The following RUNX2 variants were observed in gnomAD, a reference collection of about 807,000 sequenced individuals.
RUNX2 encodes the protein runt-related transcription factor 2.
Under a neutral mutation model 51.7 loss-of-function variants are expected in RUNX2, and 10 were observed. The observed-to-expected ratio is 0.19, with a 90% CI of 0.12 to 0.33. The LOEUF is 0.33. Among genes scored for constraint, RUNX2 ranks in the 10% least tolerant of loss-of-function variants. The probability of loss-of-function intolerance (pLI) is 1.00; values close to 1 mark genes in which losing one functional copy is unlikely to be tolerated. For missense variants in RUNX2, 562 were observed against 691.3 expected, an observed-to-expected ratio of 0.81 and a Z score of 2.10; for synonymous variants, 276 against 273.6, an observed-to-expected ratio of 1.01 and a Z score of -0.09.
intron 5 of RUNX2, among the ~76,000 whole-genome samples, chr6:45,463,218 T>C (rs1024459547): frequency 5.3e-5 from 8 of 152,196 alleles, no homozygotes; most frequent in Non-Finnish European, 1.0e-4. Context: ...TACTTTCCAA[T>C]GGAAATAAAA....
intron 5 of RUNX2, among the ~76,000 whole-genome samples, chr6:45,489,390 A>T (rs753193310): frequency 6.6e-6 from 1 of 152,186 alleles, no homozygotes; most frequent in South Asian, 2.1e-4. Flanking sequence ...GGCTAAGAGA[A>T]AGTAAAAATG....
chr6:45,387,110 G>A (rs921088343), intron 2 of RUNX2, among the ~76,000 whole-genome samples: 5 of 152,138 alleles, frequency 3.3e-5, no homozygotes, highest in Admixed American at 6.5e-5. Context: ...TTGGGTACTC[G>A]TAAGACATGA....
intron 2 of RUNX2, among the ~76,000 whole-genome samples, chr6:45,341,436 A>C (rs1789754963): frequency 6.6e-6 from 1 of 152,222 alleles, no homozygotes; most frequent in South Asian, 2.1e-4. Flanking sequence ...TATTTTAATG[A>C]GCAAACTAAC....
chr6:45,459,223 C>T (rs1348161480), intron 5 of RUNX2, among the ~76,000 whole-genome samples: 1 of 152,196 alleles, frequency 6.6e-6, no homozygotes. Context: ...ACATCATGAT[C>T]TTCCATTTTC....
intron 2 of RUNX2, among the ~76,000 whole-genome samples, chr6:45,332,600 T>C (rs1787738156): frequency 6.6e-6 from 1 of 151,796 alleles, no homozygotes; most frequent in African/African-American, 2.4e-5. Flanking sequence ...ATGCAAAAGC[T>C]CATTAAATGC....
chr6:45,546,800 C>G, intron 8 of RUNX2, 27 bp from the exon 9 acceptor site: 1 of 1,508,724 alleles, frequency 6.6e-7, no homozygotes, highest in Non-Finnish European at 9.2e-7. Context: ...ACAGATTTTT[C>G]CCTCCATCTT....
At chr6:45,403,188 G>A (rs573715844) in intron 2 of RUNX2, among the ~76,000 whole-genome samples, 302 of 150,846 alleles carry the variant, frequency 2.0e-3, no homozygotes, top group Admixed American at 3.6e-3. Context: ...AGTTGGCCAT[G>A]GGTTTAAGGT....
intron 2 of RUNX2, among the ~76,000 whole-genome samples, chr6:45,419,455 C>T (rs574724949): frequency 6.6e-6 from 1 of 152,076 alleles, no homozygotes; most frequent in East Asian, 1.9e-4. Context: ...GAAAAAAAAG[C>T]CATGACTCTA....
chr6:45,512,147 TCCC>T, intron 6 of RUNX2, 96 bp from the exon 7 acceptor site: 2 of 1,135,254 alleles, frequency 1.8e-6, no homozygotes, highest in Admixed American at 1.8e-5. Flanking sequence ...TTTTTTTCTC[TCCC>T]TGTTTTTCTG....
intron 6 of RUNX2, among the ~76,000 whole-genome samples, chr6:45,507,931 A>G (rs1212036418): frequency 6.6e-6 from 1 of 152,198 alleles, no homozygotes; most frequent in Non-Finnish European, 1.5e-5. Flanking sequence ...TAAACTCTAT[A>G]TTATATTATC....
chr6:45,445,863 T>C (rs1798982888), intron 5 of RUNX2, among the ~76,000 whole-genome samples: 1 of 152,148 alleles, frequency 6.6e-6, no homozygotes, highest in Non-Finnish European at 1.5e-5. Flanking sequence ...GTGGAGGTTA[T>C]GTCTGGTGGT....
intron 6 of RUNX2, among the ~76,000 whole-genome samples, chr6:45,505,854 G>T (rs189040933): frequency 1.3e-5 from 2 of 152,312 alleles, no homozygotes; most frequent in East Asian, 3.9e-4. Flanking sequence ...GGTGCTCCAT[G>T]GTTCCTTTCC....
chr6:45,363,051 A>C (rs114502565), intron 2 of RUNX2, among the ~76,000 whole-genome samples: 2,662 of 151,944 alleles, frequency 0.018, 49 homozygotes, highest in South Asian at 0.085. Context: ...CTTCTTCTTA[A>C]AGGCAACTGT....
intron 6 of RUNX2, among the ~76,000 whole-genome samples, chr6:45,511,782 A>C (rs961662236): frequency 6.6e-6 from 1 of 152,224 alleles, no homozygotes; most frequent in African/African-American, 2.4e-5. Flanking sequence ...AAGTAGCTGG[A>C]TATGCAGCAG....
At chr6:45,438,575 C>T (rs913906426) in intron 5 of RUNX2, among the ~76,000 whole-genome samples, 1 of 152,170 alleles carries the variant, frequency 6.6e-6, no homozygotes, top group African/African-American at 2.4e-5. Flanking sequence ...GTTGTTTGGT[C>T]ATGCTCTAGT....
chr6:45,464,636 A>G (rs944237147), intron 5 of RUNX2, among the ~76,000 whole-genome samples: 3 of 152,198 alleles, frequency 2.0e-5, no homozygotes, highest in Admixed American at 2.0e-4. Flanking sequence ...CATTATCCAA[A>G]ACTCACTTTC....
At chr6:45,355,417 AT>A (rs35113845) in intron 2 of RUNX2, among the ~76,000 whole-genome samples, 22,807 of 152,064 alleles carry the variant, frequency 0.15, 1,955 homozygotes, top group East Asian at 0.26. Flanking sequence ...AAATGTTGAT[AT>A]AACAGTTCCC....
chr6:45,462,946 GT>G (rs752504968), intron 5 of RUNX2, among the ~76,000 whole-genome samples: 25 of 152,284 alleles, frequency 1.6e-4, no homozygotes, highest in Non-Finnish European at 2.5e-4. Context: ...TAACCCCAGA[GT>G]TCTGCTGGCT....
chr6:45,349,152 G>A (rs1791521085), intron 2 of RUNX2, among the ~76,000 whole-genome samples: 1 of 152,024 alleles, frequency 6.6e-6, no homozygotes. Flanking sequence ...AGTTCTTCTA[G>A]GGACAACTAC....
Sources: gnomAD v4.1 joint callset for allele counts (sites outside exome capture counted in the v4.1 genomes callset) on GRCh38, gnomAD v4.1.1 for gene constraint, MANE v1.5 for transcripts, NCBI Gene and HGNC (gene_info 2026-07-23, HGNC 2026-07-21) for gene names.